DEFA6: variants seen among roughly 807,000 people sequenced by gnomAD.
The protein encoded by DEFA6 is defensin alpha 6, also known as defensin-6.
In DEFA6, 8 loss-of-function variants were observed where a neutral mutation model predicts 5.1. The ratio of observed to expected loss-of-function variants is 1.57; its 90% CI spans 0.92 to 2.83. DEFA6 has a LOEUF of 2.83. Ranked by LOEUF, DEFA6 falls within the 30% of genes most tolerant of loss-of-function variation. DEFA6 has a pLI of 0.00. For synonymous variants in DEFA6, 74 were observed against 45.3 expected (o/e 1.63, Z -2.54); for missense variants, 191 against 119.1 (o/e 1.60, Z -2.81).
chr8:6,925,695 C>T (rs925187221), intron 1 of DEFA6, 148 bp downstream of exon 1: 2 of 552,812 alleles, frequency 3.6e-6, no homozygotes, highest in African/African-American at 3.9e-5. Context: ...TTGAATATCA[C>T]TGATTCTTCC....
intron 1 of DEFA6, 138 bp downstream of exon 1, chr8:6,925,705 C>G (rs1018675680): frequency 1.7e-6 from 1 of 596,268 alleles, no homozygotes; most frequent in Non-Finnish European, 2.6e-6. Flanking sequence ...CTGATTCTTC[C>G]TTTTCAGTAC....
At position 6,924,851 on chromosome 8, in the gene DEFA6, G is replaced by C; in HGVS notation, c.270C>G (p.Val90=). 6.2e-7 allele frequency: 1 copy of C among 1,611,128 alleles called. No individual in the cohort carries two copies. ...STEYSYGTCT[V]MGINHRFCCL is the part of the protein sequence containing the mutation. ...AGCAGAATCTGTGGTTAATACCCATGACAGTGCAGGTCCCATAGGAATATT... is the reference window on the plus strand; with the variant it reads ...AGCAGAATCTGTGGTTAATACCCATCACAGTGCAGGTCCCATAGGAATATT... The change falls in exon 2 of 2, where the codon GTC becomes GTG. Residue 90 remains valine, a synonymous_variant. Transcript: ENST00000297436.
At position 6,924,773 on chromosome 8, in the gene DEFA6, G is replaced by T; in HGVS notation, c.*45C>A. On this transcript the variant is annotated 3_prime_UTR_variant, in exon 2 of 2. Transcript: ENST00000297436. ...TAGGACACACGACAGTTTCCTTCTAGGTCATAAAGTAAATTATGAATATAT... is the reference window on the plus strand; with the variant it reads ...TAGGACACACGACAGTTTCCTTCTATGTCATAAAGTAAATTATGAATATAT... 3 of 1,358,738 alleles carry T rather than the reference G, an allele frequency of 2.2e-6. No homozygotes were observed. Among genetic ancestry groups the T allele is most frequent in the South Asian group, 1.3e-5 (1 of 77,906 alleles). The allele number at this position is 1,358,738 out of a possible 1,614,324, so 84.2% of individuals were successfully genotyped here.
rs375500648 is a variant in DEFA6 at position 6,926,022 on chromosome 8, G to C, written c.14C>G (p.Thr5Ser). ...CACGAGGAGAACAGCAGTGAGGATGGTGAGGGTTCTCATGGCTAGGGTCGC... is the reference window on the plus strand; with the variant it reads ...CACGAGGAGAACAGCAGTGAGGATGCTGAGGGTTCTCATGGCTAGGGTCGC... MRTL[T>S]ILTAVLLVAL... The change falls in exon 1 of 2, where the codon ACC (threonine) becomes AGC (serine). Residue 5 changes from threonine to serine, a missense_variant. Physicochemically the swap from Thr to Ser is moderately conservative, Grantham distance 58. Transcript: ENST00000297436. The C allele has an allele frequency of 6.2e-7, 1 of 1,610,906 alleles. No homozygotes were observed. Among genetic ancestry groups the C allele is most frequent in the Non-Finnish European group, 8.5e-7 (1 of 1,178,864 alleles).
intron 1 of DEFA6, 51 bp from the exon 2 acceptor site, chr8:6,924,978 G>T (rs56109247): frequency 1.6e-6 from 2 of 1,252,502 alleles, no homozygotes; most frequent in South Asian, 1.3e-5. Context: ...GGTCAGCAGC[G>T]GGCAGTAAAG....
At position 6,924,849 on chromosome 8, in the gene DEFA6, AT is replaced by A; in HGVS notation, c.271del (p.Met91TrpfsTer13). On this transcript the variant is annotated frameshift_variant, in exon 2 of 2. Transcript: ENST00000297436. LOFTEE classifies it low-confidence loss of function (END_TRUNC). ...GCAGCAGAATCTGTGGTTAATACCC[AT>A]GACAGTGCAGGTCCCATAGGAATAT... ...TEYSYGTCTV[M>X]GINHRFCCL 1 of 1,610,968 alleles carries A rather than the reference AT, an allele frequency of 6.2e-7. No individual in the cohort carries two copies. The highest frequency in any genetic ancestry group is 8.5e-7 in the Non-Finnish European group (1 of 1,177,332).
Position 6,924,763 on chromosome 8 carries a change from T to A in DEFA6, c.*55A>T. 1 of 1,295,870 alleles carries A rather than the reference T, an allele frequency of 7.7e-7. No homozygotes were observed. Among genetic ancestry groups the A allele is most frequent in the South Asian group, 1.4e-5 (1 of 73,230 alleles). The allele number at this position is 1,295,870 out of a possible 1,614,324, so 80.3% of individuals were successfully genotyped here. A position where few individuals can be genotyped will look rare whatever the true frequency, so the allele number is the denominator to read the frequency against. On this transcript the variant is annotated 3_prime_UTR_variant, in exon 2 of 2. Transcript: ENST00000297436. ...TGGCAATGTATAGGACACACGACAG[T>A]TTCCTTCTAGGTCATAAAGTAAATT...
In DEFA6 at chr8:6,924,887, A is replaced by T; in HGVS notation, c.234T>A (p.Cys78Ter). 1 of 1,611,476 alleles carries T rather than the reference A, an allele frequency of 6.2e-7. No homozygotes were observed. Among genetic ancestry groups the T allele is most frequent in the South Asian group, 1.1e-5 (1 of 90,880 alleles). ...RAFTCHCRRS[C>*]YSTEYSYGTC... Reference sequence around the variant, plus strand: ...TCCCATAGGAATATTCTGTTGAATAACAGGACCTTCTGCAATGGCAAGTGA... The same window carrying T: ...TCCCATAGGAATATTCTGTTGAATATCAGGACCTTCTGCAATGGCAAGTGA... Residue 78 changes from cysteine (C) to a stop codon, truncating the protein, a stop_gained, in exon 2 of 2, where the codon TGT becomes TGA. Coordinates refer to ENST00000297436, the MANE Select transcript of DEFA6 (RefSeq NM_001926.4). LOFTEE classifies it low-confidence loss of function (END_TRUNC).
In DEFA6 at chr8:6,925,946, C is replaced by T. The variant is rs773091163; in HGVS notation, c.90G>A (p.Gln30=). Residue 30 remains glutamine (Q), a synonymous_variant, in exon 1 of 2, where the codon CAG becomes CAA. Transcript: ENST00000297436. ...EPLQAEDDPL[Q]AKAYEADAQE... ...GGGCATCAGCCTCATAAGCTTTTGC[C>T]TGCAGTGGATCATCCTCAGCTTGGA... 1.2e-6 allele frequency: 2 copies of T among 1,613,934 alleles called. No homozygotes were observed. Among genetic ancestry groups the T allele is most frequent in the Non-Finnish European group, 1.7e-6 (2 of 1,180,006 alleles).
At chr8:6,925,754 A>T in intron 1 of DEFA6, 89 bp downstream of exon 1, 2 of 1,204,960 alleles carry the variant, frequency 1.7e-6, no homozygotes, top group South Asian at 3.4e-5. Flanking sequence ...GTGATCACCT[A>T]AGAGAAAGAG....
chr8:6,925,035 C>T (rs1808378573), intron 1 of DEFA6, 108 bp from the exon 2 acceptor site: 1 of 669,152 alleles, frequency 1.5e-6, no homozygotes, highest in Non-Finnish European at 2.7e-6. Context: ...ATGCTGGCTG[C>T]ATTACAGCCA....
Position 6,924,839 on chromosome 8 carries a change from G to GT in DEFA6, c.281dup (p.Asn94LysfsTer44). The GT allele has an allele frequency of 2.5e-6, 4 of 1,607,792 alleles. No homozygotes were observed. Among genetic ancestry groups the GT allele is most frequent in the Non-Finnish European group, 3.4e-6 (4 of 1,174,836 alleles). ...TCCCTCAGAGGCAGCAGAATCTGTG[G>GT]TTAATACCCATGACAGTGCAGGTCC... On this transcript the variant is annotated frameshift_variant, in exon 2 of 2. Coordinates refer to ENST00000297436, the MANE Select transcript of DEFA6 (RefSeq NM_001926.4). LOFTEE classifies it high-confidence loss of function.
rs747081155 is a variant in DEFA6 at position 6,925,996 on chromosome 8, C to T, written c.40G>A (p.Ala14Thr). Reference sequence around the variant, plus strand: ...AGTGGCTCAGCCTTGGCCTGGAGGGCCACGAGGAGAACAGCAGTGAGGATG... The same window carrying T: ...AGTGGCTCAGCCTTGGCCTGGAGGGTCACGAGGAGAACAGCAGTGAGGATG... ...LTILTAVLLV[A>T]LQAKAEPLQA... The change falls in exon 1 of 2, where the codon GCC (alanine) becomes ACC (threonine). Residue 14 changes from alanine to threonine, a missense_variant. Ala to Thr is a moderately conservative substitution (Grantham distance 58). Coordinates refer to ENST00000297436, the MANE Select transcript of DEFA6 (RefSeq NM_001926.4). 4.3e-6 allele frequency: 7 copies of T among 1,613,168 alleles called. No individual in the cohort carries two copies. The East Asian group carries it at 1.3e-4, about 31-fold the overall frequency.
chr8:6,924,698 T>A lies in DEFA6; in HGVS notation c.*120A>T. 1.8e-6 allele frequency: 1 copy of A among 567,102 alleles called. No homozygotes were observed. The highest frequency in any genetic ancestry group is 2.9e-6 in the Non-Finnish European group (1 of 340,392). 35.1% of individuals were successfully genotyped at this position (567,102 alleles called of 1,614,324 possible). Reference sequence around the variant, plus strand: ...AGAAAAGCACAAACACAAAAGAACTTGCTGAAAGGACTTTATTTGAGATGA... The same window carrying A: ...AGAAAAGCACAAACACAAAAGAACTAGCTGAAAGGACTTTATTTGAGATGA... On this transcript the variant is annotated 3_prime_UTR_variant, in exon 2 of 2. Transcript: ENST00000297436.
rs141214756 is a variant in DEFA6 at position 6,924,929 on chromosome 8, T to G, written c.194-2A>C. The G allele has an allele frequency of 9.4e-6, 15 of 1,599,714 alleles. No individual in the cohort carries two copies. Among genetic ancestry groups the G allele is most frequent in the Non-Finnish European group, 1.2e-5 (14 of 1,168,336 alleles). ...GGCAAGTGAAAGCCCTTGTTGAGCC[T>G]GGGGACAGAGAGAGAGAGCATCAGA... On this transcript the variant is annotated splice_acceptor_variant, in intron 1 of 1. Coordinates refer to ENST00000297436, the MANE Select transcript of DEFA6 (RefSeq NM_001926.4). LOFTEE classifies it high-confidence loss of function.
At chr8:6,925,382 G>A (rs1173630297) in intron 1 of DEFA6, among the ~76,000 whole-genome samples, 3 of 151,592 alleles carry the variant, frequency 2.0e-5, no homozygotes, top group Non-Finnish European at 2.9e-5. Flanking sequence ...ACAAAATTTA[G>A]CCAGGCTTGG....
At chr8:6,925,213 G>A (rs548928056) in intron 1 of DEFA6, among the ~76,000 whole-genome samples, 4 of 152,274 alleles carry the variant, frequency 2.6e-5, no homozygotes, top group Middle Eastern at 6.8e-3. Context: ...TCCTATAAAA[G>A]TCAGATTAAA....
intron 1 of DEFA6, among the ~76,000 whole-genome samples, chr8:6,925,592 A>C (rs911573516): frequency 6.6e-6 from 1 of 152,252 alleles, no homozygotes; most frequent in Non-Finnish European, 1.5e-5. Context: ...TCCTTGAAGT[A>C]GAGACTCCTC....
chr8:6,924,869 G>A lies in DEFA6; in HGVS notation c.252C>T (p.Ser84=), dbSNP rs533406496. 1.2e-6 allele frequency: 2 copies of A among 1,612,094 alleles called. No individual in the cohort carries two copies. Among genetic ancestry groups the A allele is most frequent in the Admixed American group, 1.7e-5 (1 of 60,018 alleles). ...TACCCATGACAGTGCAGGTCCCATA[G>A]GAATATTCTGTTGAATAACAGGACC... ...CRRSCYSTEY[S]YGTCTVMGIN... Residue 84 remains serine, a synonymous_variant, in exon 2 of 2, where the codon TCC becomes TCT. Transcript: ENST00000297436.
Sources: gnomAD v4.1 joint callset for allele counts (sites outside exome capture counted in the v4.1 genomes callset) on GRCh38, gnomAD v4.1.1 for gene constraint, MANE v1.5 for transcripts, NCBI Gene and HGNC (gene_info 2026-07-23, HGNC 2026-07-21) for gene names.